ELAVL4: variants seen among roughly 807,000 people sequenced by gnomAD.
ELAVL4 encodes ELAV-like protein 4.
ELAVL4 carries 1 observed loss-of-function variant against 35.6 expected under a neutral mutation model. The ratio of observed to expected loss-of-function variants is 0.03; its 90% CI spans 0.01 to 0.13. ELAVL4 has a LOEUF of 0.13. Ranked by LOEUF, ELAVL4 falls within the 10% of genes least tolerant of loss-of-function variation. ELAVL4 has a pLI of 1.00. For synonymous variants in ELAVL4, 156 were observed against 171.0 expected (o/e 0.91, Z 0.69); for missense variants, 267 against 464.9 (o/e 0.57, Z 3.91).
At chr1:50,059,861 C>T (rs567039353) in intron 1 of ELAVL4, among the ~76,000 whole-genome samples, 2 of 152,222 alleles carry the variant, frequency 1.3e-5, no homozygotes, top group Admixed American at 1.3e-4. Context: ...CAAAAGGTCA[C>T]ATATTATATT....
At chr1:50,050,942 G>A (rs550759067) in intron 1 of ELAVL4, among the ~76,000 whole-genome samples, 4 of 152,202 alleles carry the variant, frequency 2.6e-5, no homozygotes, top group African/African-American at 7.2e-5. Flanking sequence ...CTAGCTGTTA[G>A]TTTTTAAGTT....
At chr1:50,119,036 A>AAAGAAAG (rs1668502450) in intron 1 of ELAVL4, among the ~76,000 whole-genome samples, 3 of 127,174 alleles carry the variant, frequency 2.4e-5, no homozygotes, top group African/African-American at 3.1e-5. Flanking sequence ...GAAAGAAAGA[A>AAAGAAAG]AAAGAAAGAA....
chr1:50,106,392 T>TG, upstream of ELAVL4: 1 of 1,612,598 alleles, frequency 6.2e-7, no homozygotes, highest in Non-Finnish European at 8.5e-7. Flanking sequence ...TGCTCATTTA[T>TG]GGTAAGAGGA....
chr1:50,064,004 A>T (rs1183117927), intron 1 of ELAVL4, among the ~76,000 whole-genome samples: 2 of 152,188 alleles, frequency 1.3e-5, no homozygotes, highest in Non-Finnish European at 2.9e-5. Context: ...GGAAGGCAGG[A>T]TTGAGTATGG....
intron 1 of ELAVL4, among the ~76,000 whole-genome samples, chr1:50,095,303 G>C (rs746622236): frequency 2.0e-5 from 3 of 152,054 alleles, no homozygotes; most frequent in Non-Finnish European, 4.4e-5. Context: ...GAACTGCGTG[G>C]GTGTGGGGTA....
chr1:50,149,740 C>A (rs1674441680), intron 2 of ELAVL4, among the ~76,000 whole-genome samples: 1 of 151,950 alleles, frequency 6.6e-6, no homozygotes, highest in Admixed American at 6.6e-5. Context: ...GACAGGGTTT[C>A]ACCATATTGG....
intron 2 of ELAVL4, among the ~76,000 whole-genome samples, chr1:50,151,105 T>C (rs997718538): frequency 1.5e-4 from 23 of 152,304 alleles, no homozygotes; most frequent in African/African-American, 5.5e-4. Flanking sequence ...GCAGTTGAAT[T>C]ACTGGCCAAC....
chr1:50,120,730 G>C (rs1415619611), intron 1 of ELAVL4, among the ~76,000 whole-genome samples: 5 of 151,990 alleles, frequency 3.3e-5, no homozygotes. Context: ...GTCACATTAA[G>C]GACTGCTTTT....
At chr1:50,168,750 T>C (rs1678428505) in intron 2 of ELAVL4, among the ~76,000 whole-genome samples, 1 of 152,068 alleles carries the variant, frequency 6.6e-6, no homozygotes, top group Admixed American at 6.6e-5. Context: ...TGCCAAAGAC[T>C]GTCAATGTTC....
chr1:50,196,249 A>G (rs531636688), intron 5 of ELAVL4, among the ~76,000 whole-genome samples: 1 of 152,280 alleles, frequency 6.6e-6, no homozygotes, highest in Non-Finnish European at 1.5e-5. Flanking sequence ...GGGAGGGGGA[A>G]GTGCCTTTGG....
chr1:50,187,532 C>G (rs573442496), intron 3 of ELAVL4, among the ~76,000 whole-genome samples: 1 of 152,312 alleles, frequency 6.6e-6, no homozygotes, highest in African/African-American at 2.4e-5. Flanking sequence ...TCTCCAACCC[C>G]AAAGCACTTG....
chr1:50,108,455 C>T (rs1050083124), upstream of ELAVL4, among the ~76,000 whole-genome samples: 2 of 152,096 alleles, frequency 1.3e-5, no homozygotes, highest in African/African-American at 4.8e-5. Flanking sequence ...TACCTTTAAG[C>T]CTACAGGCAG....
At chr1:50,163,875 C>T (rs1476440538) in intron 2 of ELAVL4, among the ~76,000 whole-genome samples, 3 of 152,116 alleles carry the variant, frequency 2.0e-5, no homozygotes, top group Admixed American at 6.6e-5. Context: ...AAGTCTCAGG[C>T]ATACTATGCT....
chr1:50,158,767 CTGGTG>C (rs935524019), intron 2 of ELAVL4, among the ~76,000 whole-genome samples: 2 of 152,138 alleles, frequency 1.3e-5, no homozygotes, highest in African/African-American at 4.8e-5. Flanking sequence ...GCAGCCAGGC[CTGGTG>C]GCTCACCCCT....
intron 2 of ELAVL4, 130 bp downstream of exon 2, chr1:50,145,327 C>A (rs781336559): frequency 9.6e-6 from 13 of 1,354,826 alleles, no homozygotes; most frequent in Non-Finnish European, 1.3e-5. Flanking sequence ...GATACACAGT[C>A]ATAAACTCAC....
intron 1 of ELAVL4, among the ~76,000 whole-genome samples, chr1:50,132,636 A>G (rs1446346089): frequency 2.0e-5 from 3 of 152,150 alleles, no homozygotes; most frequent in African/African-American, 4.8e-5. Context: ...ATTTTTATTC[A>G]TTTGGGCTCC....
intron 5 of ELAVL4, among the ~76,000 whole-genome samples, chr1:50,196,251 T>C (rs1644053402): frequency 6.6e-6 from 1 of 152,184 alleles, no homozygotes; most frequent in African/African-American, 2.4e-5. Context: ...GAGGGGGAAG[T>C]GCCTTTGGTG....
At chr1:50,077,216 G>A (rs1293434905) in intron 1 of ELAVL4, among the ~76,000 whole-genome samples, 1 of 152,130 alleles carries the variant, frequency 6.6e-6, no homozygotes, top group East Asian at 1.9e-4. Flanking sequence ...GACATATAGG[G>A]AATTGGCTCA....
Position 50,108,924 on chromosome 1 carries a change from C to T in ELAVL4, c.-266C>T. On this transcript the variant is annotated 5_prime_UTR_variant, in exon 1 of 7. Coordinates refer to ENST00000371824, the MANE Select transcript of ELAVL4 (RefSeq NM_001144774.3). ...GATGTAAAAAGGGGAAGCTTCGAGC[C>T]AATTTCAGCAAGGCTCTGTTCAGTT... The T allele has an allele frequency of 8.9e-7, 1 of 1,117,842 alleles. No homozygotes were observed. Among genetic ancestry groups the T allele is most frequent in the Non-Finnish European group, 1.1e-6 (1 of 916,934 alleles). 69.2% of individuals were successfully genotyped at this position (1,117,842 alleles called of 1,614,324 possible). A position where few individuals can be genotyped will look rare whatever the true frequency, so the allele number is the denominator to read the frequency against.
Sources: gnomAD v4.1 joint callset for allele counts (sites outside exome capture counted in the v4.1 genomes callset) on GRCh38, gnomAD v4.1.1 for gene constraint, MANE v1.5 for transcripts, NCBI Gene and HGNC (gene_info 2026-07-23, HGNC 2026-07-21) for gene names.